Variants in ZDHHC21 observed in about 807,000 individuals in gnomAD.
The protein encoded by ZDHHC21 is zDHHC palmitoyltransferase 21.
In ZDHHC21, 15 loss-of-function variants were observed where a neutral mutation model predicts 34.6. The observed-to-expected ratio is 0.43, with a 90% CI of 0.29 to 0.67. ZDHHC21 has a LOEUF of 0.67. Among genes scored for constraint, ZDHHC21 ranks in the 30% least tolerant of loss-of-function variants. The probability of loss-of-function intolerance (pLI) is 0.14; values close to 1 mark genes in which losing one functional copy is unlikely to be tolerated. For missense variants in ZDHHC21, 344 were observed against 327.7 expected (o/e 1.05, Z -0.38); for synonymous variants, 142 against 101.8 (o/e 1.40, Z -2.38).
intron 5 of ZDHHC21, among the ~76,000 whole-genome samples, chr9:14,663,219 G>C (rs916223134): frequency 1.3e-5 from 2 of 152,092 alleles, no homozygotes; most frequent in African/African-American, 4.8e-5. Context: ...TATTGGAATG[G>C]AATTTTTCTT....
At chr9:14,609,353 T>C (rs79841229), downstream of ZDHHC21, among the ~76,000 whole-genome samples, 146 of 152,224 alleles carry the variant, frequency 9.6e-4, 1 homozygote, top group African/African-American at 3.4e-3. Context: ...CTTTCTTTCA[T>C]GGAACACCAT....
At chr9:14,590,594 G>T in the ZDHHC21 span, among the ~76,000 whole-genome samples, 1 of 152,104 alleles carries the variant, frequency 6.6e-6, no homozygotes, top group Admixed American at 6.5e-5. Context: ...GAATGGAAGG[G>T]GCTGAATGTG....
chr9:14,654,472 G>C (rs1456877260), intron 7 of ZDHHC21, among the ~76,000 whole-genome samples: 4 of 151,912 alleles, frequency 2.6e-5, no homozygotes, highest in Non-Finnish European at 4.4e-5. Flanking sequence ...AAAATGCTCA[G>C]TATTCTAACT....
downstream of ZDHHC21, among the ~76,000 whole-genome samples, chr9:14,609,197 A>G (rs540944041): frequency 6.6e-6 from 1 of 152,290 alleles, no homozygotes; most frequent in Non-Finnish European, 1.5e-5. Flanking sequence ...TAATTTTACT[A>G]AAGCTTGTTC....
At chr9:14,674,074 C>G (rs994321977) in intron 4 of ZDHHC21, 113 bp downstream of exon 4, 2 of 594,500 alleles carry the variant, frequency 3.4e-6, no homozygotes, top group East Asian at 3.5e-5. Flanking sequence ...ATTGACAGCA[C>G]TGCTAAAATA....
chr9:14,656,654 C>A lies in ZDHHC21; in HGVS notation c.504+2095G>T. Among the ~76,000 whole-genome samples, 2 of 151,964 alleles carry A rather than the reference C, an allele frequency of 1.3e-5. 1 individual carries two copies. On this transcript the variant is annotated intron_variant, in intron 7 of 9. Transcript: ENST00000380916. Reference sequence around the variant, plus strand: ...AACCATAAGACTTAGGCTAAGAGAACGATTTCTGCTCAGCACTACTAGACA... The same window carrying A: ...AACCATAAGACTTAGGCTAAGAGAAAGATTTCTGCTCAGCACTACTAGACA...
chr9:14,613,327 G>A lies in ZDHHC21; in HGVS notation c.*5639C>T, dbSNP rs779941567. On this transcript the variant is annotated 3_prime_UTR_variant, in exon 10 of 10. Transcript: ENST00000380916. ...ACTCTTTGGTACAGGAATTAAAAAT[G>A]TCACTCAATGCTAAAGTGAATAGCA... 29 of 151,856 alleles carry A rather than the reference G, an allele frequency of 1.9e-4. No homozygotes were observed. Among genetic ancestry groups the A allele is most frequent in the Admixed American group, 1.4e-3 (22 of 15,182 alleles). 9.4% of individuals were successfully genotyped at this position (151,856 alleles called of 1,614,324 possible).
intron 8 of ZDHHC21, among the ~76,000 whole-genome samples, chr9:14,629,275 G>A (rs1460774386): frequency 1.3e-5 from 2 of 152,018 alleles, no homozygotes; most frequent in African/African-American, 4.8e-5. Context: ...GTTTCCACTC[G>A]GTTTTAGAAA....
chr9:14,689,065 A>G (rs1838785093), intron 2 of ZDHHC21, among the ~76,000 whole-genome samples: 1 of 152,120 alleles, frequency 6.6e-6, no homozygotes, highest in Non-Finnish European at 1.5e-5. Context: ...AACAAAACAA[A>G]CACAAGAACA....
intron 7 of ZDHHC21, among the ~76,000 whole-genome samples, chr9:14,652,278 G>A (rs1447403917): frequency 6.6e-6 from 1 of 151,576 alleles, no homozygotes; most frequent in Admixed American, 6.6e-5. Flanking sequence ...TTCTTTTTAG[G>A]TTCACAGGCC....
At chr9:14,591,773 T>C in the ZDHHC21 span, among the ~76,000 whole-genome samples, 3 of 152,198 alleles carry the variant, frequency 2.0e-5, no homozygotes, top group Admixed American at 1.3e-4. Flanking sequence ...GTTACTGATA[T>C]AAAATTATAA....
chr9:14,635,616 T>A (rs376650177), intron 8 of ZDHHC21, among the ~76,000 whole-genome samples: 1 of 152,182 alleles, frequency 6.6e-6, no homozygotes, highest in African/African-American at 2.4e-5. Flanking sequence ...AAAAGGCACG[T>A]GATAACAAGC....
chr9:14,626,066 GA>G, intron 8 of ZDHHC21, among the ~76,000 whole-genome samples: 1 of 152,006 alleles, frequency 6.6e-6, no homozygotes, highest in African/African-American at 2.4e-5. Flanking sequence ...TGGAACAGCT[GA>G]AAAACTGTTT....
rs1036828041 is a variant in ZDHHC21 at position 14,650,315 on chromosome 9, G to C, written c.504+8434C>G. On this transcript the variant is annotated intron_variant, in intron 7 of 9. Coordinates refer to ENST00000380916, the MANE Select transcript of ZDHHC21 (RefSeq NM_178566.6). ...ATCTCTAGTAGCATCTCAGGAAACA[G>C]GAACAAAAAAGCCAAATTACTTTTA... 3.3e-5 allele frequency among the ~76,000 whole-genome samples: 5 copies of C among 151,788 alleles called. No homozygotes were observed. The East Asian group carries it at 5.8e-4, about 18-fold the overall frequency.
chr9:14,602,327 A>G, the ZDHHC21 span, among the ~76,000 whole-genome samples: 4 of 152,092 alleles, frequency 2.6e-5, no homozygotes, highest in African/African-American at 9.7e-5. Flanking sequence ...AAAGCCTACA[A>G]TGACACAAGG....
chr9:14,661,465 A>C (rs2133939457), intron 6 of ZDHHC21, among the ~76,000 whole-genome samples: 1 of 152,334 alleles, frequency 6.6e-6, no homozygotes, highest in East Asian at 1.9e-4. Context: ...CATTTGTCAA[A>C]TTCTACACTA....
At chr9:14,590,869 A>AT in the ZDHHC21 span, among the ~76,000 whole-genome samples, 1 of 152,174 alleles carries the variant, frequency 6.6e-6, no homozygotes, top group African/African-American at 2.4e-5. Context: ...CTACTTTTAA[A>AT]TTTTTTAAAA....
intron 8 of ZDHHC21, among the ~76,000 whole-genome samples, chr9:14,635,601 A>C (rs149754689): frequency 6.6e-6 from 1 of 152,340 alleles, no homozygotes; most frequent in East Asian, 1.9e-4. Flanking sequence ...TTCATAAATA[A>C]AGGAAAAAGG....
chr9:14,601,511 G>T, the ZDHHC21 span, among the ~76,000 whole-genome samples: 1 of 152,162 alleles, frequency 6.6e-6, no homozygotes, highest in Non-Finnish European at 1.5e-5. Flanking sequence ...TGCTGGAGAG[G>T]ATGTGGAAAA....
Sources: gnomAD v4.1 joint callset for allele counts (sites outside exome capture counted in the v4.1 genomes callset) on GRCh38, gnomAD v4.1.1 for gene constraint, MANE v1.5 for transcripts, NCBI Gene and HGNC (gene_info 2026-07-23, HGNC 2026-07-21) for gene names.